The following TTN variants were observed in gnomAD, a reference collection of about 807,000 sequenced individuals.
The protein encoded by TTN is connectin.
TTN carries 1,525 observed loss-of-function variants against 3,223.0 expected under a neutral mutation model. That is an observed-to-expected ratio of 0.47 (90% CI 0.45 to 0.49). TTN has a LOEUF of 0.49. Ranked by LOEUF, TTN falls within the 20% of genes least tolerant of loss-of-function variation. The pLI is 0.00. For synonymous variants in TTN, 14,094 were observed against 15,161.0 expected (o/e 0.93, Z 5.17); for missense variants, 40,786 against 43,424.0 (o/e 0.94, Z 5.40).
rs2154193177 is a variant in TTN, at chr2:178,601,805, T to C, written c.55303-18A>G. On this transcript the variant is annotated intron_variant, in intron 285 of 362. Transcript: ENST00000589042. ...GTCTCCAGCTGTACAAAGAAAATAG[T>C]AGTCATACATTGAATGAAATCATAG... The C allele has an allele frequency of 6.2e-7, 1 of 1,600,718 alleles. No homozygotes were observed. Among genetic ancestry groups the C allele is most frequent in the Non-Finnish European group, 8.5e-7 (1 of 1,175,164 alleles).
intron 164 of TTN, 49 bp downstream of exon 164, chr2:178,665,659 T>C: frequency 7.8e-7 from 1 of 1,280,130 alleles, no homozygotes; most frequent in Non-Finnish European, 1.0e-6. Flanking sequence ...ACCCTGTACA[T>C]GCTAAGCACT....
At chr2:178,804,432 T>C in intron 2 of TTN, 120 bp downstream of exon 2, 1 of 896,726 alleles carries the variant, frequency 1.1e-6, no homozygotes, top group East Asian at 2.6e-5. Context: ...TCCATAGTGT[T>C]GGACTAATTT....
At chr2:178,750,749 C>G in intron 47 of TTN, 6 of 1,612,914 alleles carry the variant, frequency 3.7e-6, no homozygotes, top group Non-Finnish European at 5.1e-6. Flanking sequence ...TACAAGTGTA[C>G]CAAAAGATTC....
chr2:178,537,717 C>A lies in TTN; in HGVS notation c.99490G>T (p.Glu33164Ter). ...RTHTLTVMTEEQEDEGVYTCI... is the reference protein window; with the variant it reads ...RTHTLTVMTE ...GTATAAACACCTTCATCTTCCTGTT[C>A]CTCTGTCATTACTGTAAGAGTGTGT... Residue 33164 changes from glutamate to a stop codon, truncating the protein, a stop_gained, in exon 355 of 363, where the codon GAA becomes TAA. Transcript: ENST00000589042. LOFTEE classifies it high-confidence loss of function. 6.2e-7 allele frequency: 1 copy of A among 1,613,756 alleles called. No homozygotes were observed. The highest frequency in any genetic ancestry group is 8.5e-7 in the Non-Finnish European group (1 of 1,179,778).
chr2:178,571,790 T>G lies in TTN; in HGVS notation c.74342A>C (p.Glu24781Ala). 1 of 1,613,488 alleles carries G rather than the reference T, an allele frequency of 6.2e-7. No homozygotes were observed. The highest frequency in any genetic ancestry group is 8.5e-7 in the Non-Finnish European group (1 of 1,179,590). ...SLLTIKDACR[E>A]DVGHYVVKLT... is the part of the protein sequence containing the mutation. ...TTTAACCACATAATGGCCAACATCT[T>G]CTCGGCAGGCGTCCTTTATTGTCAG... The change falls in exon 326 of 363, where the codon GAA (glutamate) becomes GCA (alanine). Residue 24781 changes from glutamate (E) to alanine (A), a missense_variant. Glu to Ala is a moderately radical substitution (Grantham distance 107). Transcript: ENST00000589042.
intron 13 of TTN, among the ~76,000 whole-genome samples, chr2:178,787,869 A>G (rs2093285950): frequency 6.6e-6 from 1 of 152,092 alleles, no homozygotes; most frequent in African/African-American, 2.4e-5. Flanking sequence ...GGACTTTGAT[A>G]TCTCTCACAT....
intron 335 of TTN, 77 bp from the exon 336 acceptor site, chr2:178,551,337 A>G: frequency 8.7e-7 from 1 of 1,144,822 alleles, no homozygotes. Context: ...GAACAATACA[A>G]TTATTCTATA....
At chr2:178,778,011 A>G (rs370649110) in intron 24 of TTN, 36 bp from the exon 25 acceptor site, 32 of 1,605,176 alleles carry the variant, frequency 2.0e-5, no homozygotes, top group African/African-American at 2.7e-5. Flanking sequence ...TTCGTGAGGC[A>G]TAAAGAAAAC....
intron 242 of TTN, among the ~76,000 whole-genome samples, 185 bp from the exon 243 acceptor site, chr2:178,622,952 T>A (rs2058514667): frequency 6.6e-6 from 1 of 151,934 alleles, no homozygotes; most frequent in African/African-American, 2.4e-5. Context: ...AGATATCTCT[T>A]TAGTTTACAT....
chr2:178,609,151 A>G, intron 273 of TTN, 57 bp downstream of exon 273: 1 of 1,433,486 alleles, frequency 7.0e-7, no homozygotes. Flanking sequence ...CAAACTTTTT[A>G]TTTTTATGTT....
At position 178,704,336 on chromosome 2, in the gene TTN, A is replaced by C; in HGVS notation, c.30034T>G (p.Phe10012Val). The change falls in exon 106 of 363, where the codon TTT becomes GTT. Residue 10012 changes from phenylalanine (F) to valine (V), a missense_variant. By Grantham distance (50) the Phe-to-Val change is conservative. Transcript: ENST00000589042. ...EGQTCTMTCQ[F>V]SVPNVKSEWF... is the part of the protein sequence containing the mutation. ...TCAGATTTTACATTTGGTACAGAAA[A>C]TTGGCATGTCATGGTGCAAGTCTGG... 2 of 1,614,024 alleles carry C rather than the reference A, an allele frequency of 1.2e-6. No homozygotes were observed. The highest frequency in any genetic ancestry group is 1.7e-6 in the Non-Finnish European group (2 of 1,179,886).
chr2:178,619,964 AT>A, intron 249 of TTN, 23 bp downstream of exon 249: 1 of 1,601,038 alleles, frequency 6.2e-7, no homozygotes, highest in Non-Finnish European at 8.5e-7. Flanking sequence ...TAACATTAGA[AT>A]TGTTTTTTCA....
Position 178,764,510 on chromosome 2 carries a change from T to A in TTN, c.9988+17A>T. The A allele has an allele frequency of 1.2e-6, 2 of 1,613,806 alleles. No individual in the cohort carries two copies. The highest frequency in any genetic ancestry group is 8.5e-7 in the Non-Finnish European group (1 of 1,179,860). On this transcript the variant is annotated intron_variant, in intron 42 of 362. Transcript: ENST00000589042. Reference sequence around the variant, plus strand: ...CTTAGGTTTTATTTTCAGCTGGAAGTAGCGAGGCATTCCTACCTTCCACTG... The same window carrying A: ...CTTAGGTTTTATTTTCAGCTGGAAGAAGCGAGGCATTCCTACCTTCCACTG...
intron 88 of TTN, among the ~76,000 whole-genome samples, chr2:178,716,175 G>C (rs2077455705): frequency 6.6e-6 from 1 of 152,070 alleles, no homozygotes; most frequent in African/African-American, 2.4e-5. Context: ...ATTTCCTAAG[G>C]CTGCAATGCT....
intron 47 of TTN, chr2:178,748,611 G>A: frequency 1.2e-6 from 2 of 1,613,024 alleles, no homozygotes; most frequent in Non-Finnish European, 1.7e-6. Flanking sequence ...TCTTCTGGTT[G>A]ACCACTATCT....
chr2:178,768,725 G>A lies in TTN; in HGVS notation c.9111C>T (p.Asp3037=), dbSNP rs1305745351. The A allele has an allele frequency of 6.2e-7, 1 of 1,614,118 alleles. No individual in the cohort carries two copies. The highest frequency in any genetic ancestry group is 8.5e-7 in the Non-Finnish European group (1 of 1,180,022). The change falls in exon 38 of 363, where the codon GAC becomes GAT. Residue 3037 remains aspartate (D), a synonymous_variant. Transcript: ENST00000589042. ...TTGCTTTTCCAGCCACAAAGGTGTA[G>A]TCAGCAGCATCCCCAAAGTGAACAT... The part of the protein sequence containing the change: ...IRNVHFGDAA[D]YTFVAGKATS...
rs764884631 is a variant in TTN at position 178,608,054 on chromosome 2, A to G, written c.52733T>C (p.Val17578Ala). ...ISPPGPPIPR[V>A]TDTSSTTIEL... ...AATAGTTGTAGAGCTTGTGTCAGTG[A>G]CTCTTGGGATAGGTGGCCCAGGAGG... The change falls in exon 276 of 363, where the codon GTC becomes GCC. Residue 17578 changes from valine (V) to alanine (A), a missense_variant. Transcript: ENST00000589042. The G allele has an allele frequency of 6.2e-7, 1 of 1,612,510 alleles. No homozygotes were observed. The highest frequency in any genetic ancestry group is 2.2e-5 in the East Asian group (1 of 44,538).
At chr2:178,623,085 A>C (rs1045812234) in intron 242 of TTN, among the ~76,000 whole-genome samples, 2 of 151,900 alleles carry the variant, frequency 1.3e-5, no homozygotes, top group African/African-American at 4.8e-5. Flanking sequence ...TTTGCACTGC[A>C]CCAGACTTGA....
rs544114878 is a variant in TTN at position 178,711,428 on chromosome 2, G to A, written c.27887-79C>T. 1.5e-4 allele frequency: 197 copies of A among 1,336,786 alleles called. No homozygotes were observed. In the African/African-American group the frequency reaches 1.6e-3, roughly 11 times the overall value. 82.8% of individuals were successfully genotyped at this position (1,336,786 alleles called of 1,614,324 possible). A position where few individuals can be genotyped will look rare whatever the true frequency, so the allele number is the denominator to read the frequency against. On this transcript the variant is annotated intron_variant, in intron 96 of 362. Transcript: ENST00000589042. ...CACAATTATATATATACAAACGCAC[G>A]TATATATGCAATTTCTATTAAAAAT...
Sources: allele counts gnomAD v4.1 joint callset (sites outside exome capture counted in the v4.1 genomes callset), GRCh38; gene constraint gnomAD v4.1.1; transcripts MANE v1.5; gene names NCBI Gene and HGNC (gene_info 2026-07-23, HGNC 2026-07-21).